Variants in EYA2 observed in about 807,000 individuals in gnomAD.
The protein encoded by EYA2 is protein phosphatase EYA2.
A neutral mutation model predicts 69.2 loss-of-function variants in EYA2; 31 were observed. The ratio of observed to expected loss-of-function variants is 0.45; its 90% CI spans 0.34 to 0.60. EYA2 has a LOEUF of 0.60. EYA2 is among the 20% of genes least tolerant of loss of function. EYA2 has a pLI of 0.02. For missense variants in EYA2, 622 were observed against 701.2 expected (o/e 0.89, Z 1.28); for synonymous variants, 257 against 279.4 (o/e 0.92, Z 0.80).
At chr20:47,078,325 GCGCGCGCACACA>G (rs772095561) in intron 7 of EYA2, among the ~76,000 whole-genome samples, 15,391 of 105,324 alleles carry the variant, frequency 0.15, 922 homozygotes, top group Non-Finnish European at 0.18. Context: ...ACGTGCGCGC[GCGCGCGCACACA>G]CACACACACA....
At chr20:47,058,242 C>G (rs1320402941) in intron 5 of EYA2, among the ~76,000 whole-genome samples, 1 of 152,204 alleles carries the variant, frequency 6.6e-6, no homozygotes, top group African/African-American at 2.4e-5. Context: ...CTAAAGACAA[C>G]GAATGAGATG....
intron 2 of EYA2, among the ~76,000 whole-genome samples, chr20:46,993,987 T>C (rs1240414807): frequency 2.0e-5 from 3 of 152,224 alleles, no homozygotes; most frequent in African/African-American, 7.2e-5. Context: ...TATTTAAATT[T>C]CTGTTCCTGT....
chr20:46,934,868 G>C (rs1985841778), intron 1 of EYA2, among the ~76,000 whole-genome samples: 1 of 152,222 alleles, frequency 6.6e-6, no homozygotes, highest in Non-Finnish European at 1.5e-5. Context: ...GCAGAGGCCA[G>C]ATGATTGAAA....
intron 5 of EYA2, among the ~76,000 whole-genome samples, chr20:47,034,727 A>G (rs976760577): frequency 2.0e-5 from 3 of 152,212 alleles, no homozygotes; most frequent in African/African-American, 7.2e-5. Flanking sequence ...GGTCACTTTG[A>G]AGAATATAAG....
chr20:47,031,072 C>T (rs1212080945), intron 5 of EYA2, among the ~76,000 whole-genome samples: 1 of 152,178 alleles, frequency 6.6e-6, no homozygotes, highest in Admixed American at 6.5e-5. Flanking sequence ...TTGCAACACG[C>T]AGTGGGTAAG....
At chr20:47,050,651 A>G (rs2030283577) in intron 5 of EYA2, among the ~76,000 whole-genome samples, 1 of 152,250 alleles carries the variant, frequency 6.6e-6, no homozygotes, top group Non-Finnish European at 1.5e-5. Context: ...ACCAAGGACA[A>G]AAAGGCTTTG....
intron 1 of EYA2, among the ~76,000 whole-genome samples, chr20:46,981,628 A>G (rs575525655): frequency 1.3e-5 from 2 of 152,362 alleles, no homozygotes; most frequent in South Asian, 4.1e-4. Context: ...CTTCATGCAC[A>G]TTAATTTTGG....
chr20:47,036,183 G>A (rs1984698935), intron 5 of EYA2, among the ~76,000 whole-genome samples: 1 of 152,194 alleles, frequency 6.6e-6, no homozygotes, highest in South Asian at 2.1e-4. Context: ...CGAGAAAGCT[G>A]GGAGGTGGCG....
chr20:47,020,226 G>A (rs1027785826), intron 5 of EYA2, among the ~76,000 whole-genome samples: 1 of 152,160 alleles, frequency 6.6e-6, no homozygotes, highest in Non-Finnish European at 1.5e-5. Context: ...CTGAGGCACT[G>A]CAACAGAGTG....
rs117907811 is a variant in EYA2, at chr20:47,001,183, A to G, written c.110-245A>G. 1.4e-3 allele frequency among the ~76,000 whole-genome samples: 207 copies of G among 152,122 alleles called. 5 individuals are homozygous for G. In the East Asian group the frequency reaches 0.039, roughly 28 times the overall value. On this transcript the variant is annotated intron_variant, in intron 2 of 15. Coordinates refer to ENST00000327619, the MANE Select transcript of EYA2 (RefSeq NM_005244.5). ...CTCTACTCTGATGTTTCAAGGTGCT[A>G]TGGATTCTTTAGATGTCATTTTTCC...
At chr20:46,986,130 G>C (rs953759051) in intron 1 of EYA2, among the ~76,000 whole-genome samples, 2 of 151,918 alleles carry the variant, frequency 1.3e-5, no homozygotes, top group African/African-American at 4.8e-5. Flanking sequence ...AATATGCTTT[G>C]ATGTATTAGA....
chr20:47,160,084 T>C (rs1337922476), intron 10 of EYA2, among the ~76,000 whole-genome samples: 1 of 152,062 alleles, frequency 6.6e-6, no homozygotes, highest in African/African-American at 2.4e-5. Context: ...ATATCCATTG[T>C]GGGGATTTGA....
chr20:47,024,919 G>A lies in EYA2; in HGVS notation c.415+8622G>A, dbSNP rs1261151350. 2.6e-5 allele frequency among the ~76,000 whole-genome samples: 4 copies of A among 152,248 alleles called. No individual in the cohort carries two copies. In the East Asian group the frequency reaches 7.7e-4, roughly 29 times the overall value. On this transcript the variant is annotated intron_variant, in intron 5 of 15. Transcript: ENST00000327619. ...GAGCATGGGCTAACAGCAGCTGAAT[G>A]TAAAATACCAAACACAAGCAAATGC...
chr20:47,187,961 G>T, intron 15 of EYA2, 92 bp from the exon 16 acceptor site: 1 of 1,351,162 alleles, frequency 7.4e-7, no homozygotes, highest in Non-Finnish European at 1.0e-6. Flanking sequence ...AGACTTAACT[G>T]GGTTGACTTC....
intron 1 of EYA2, among the ~76,000 whole-genome samples, chr20:46,986,164 A>AT: frequency 1.3e-5 from 2 of 151,984 alleles, no homozygotes; most frequent in East Asian, 3.9e-4. Flanking sequence ...CTAGGCCTCT[A>AT]TCCTGGAGTG....
At chr20:47,008,644 A>G (rs1982873829) in intron 4 of EYA2, among the ~76,000 whole-genome samples, 1 of 152,238 alleles carries the variant, frequency 6.6e-6, no homozygotes, top group Non-Finnish European at 1.5e-5. Flanking sequence ...AAGTTATTTT[A>G]CTGTCTCAGT....
intron 5 of EYA2, among the ~76,000 whole-genome samples, chr20:47,052,089 A>G (rs940129250): frequency 1.3e-5 from 2 of 152,184 alleles, no homozygotes; most frequent in Non-Finnish European, 2.9e-5. Flanking sequence ...AGAGCCTACC[A>G]CGTGCCTCCC....
intron 5 of EYA2, among the ~76,000 whole-genome samples, chr20:47,019,467 C>T (rs58937743): frequency 0.011 from 1,624 of 152,086 alleles, 17 homozygotes; most frequent in African/African-American, 0.037. Flanking sequence ...CCATGTGCTT[C>T]CTATTAACTT....
intron 1 of EYA2, among the ~76,000 whole-genome samples, chr20:46,938,277 T>C (rs1461419120): frequency 1.3e-5 from 2 of 152,236 alleles, no homozygotes; most frequent in Non-Finnish European, 2.9e-5. Context: ...CCTTTCTCTG[T>C]AAATTTTTGT....
Sources: allele counts gnomAD v4.1 joint callset (sites outside exome capture counted in the v4.1 genomes callset), GRCh38; gene constraint gnomAD v4.1.1; transcripts MANE v1.5; gene names NCBI Gene and HGNC (gene_info 2026-07-23, HGNC 2026-07-21).